The following FBLN7 variants were observed in gnomAD, a reference collection of about 807,000 sequenced individuals.
The protein encoded by FBLN7 is fibulin 7, also known as fibulin-7.
A neutral mutation model predicts 44.0 loss-of-function variants in FBLN7; 31 were observed. The ratio of observed to expected loss-of-function variants is 0.70; its 90% CI spans 0.53 to 0.95. FBLN7 has a LOEUF of 0.95. Among genes scored for constraint, FBLN7 ranks in the 40% least tolerant of loss-of-function variants. The probability of loss-of-function intolerance (pLI) is 0.00; values close to 1 mark genes in which losing one functional copy is unlikely to be tolerated. For synonymous variants in FBLN7, 262 were observed against 253.4 expected, an observed-to-expected ratio of 1.03 and a Z score of -0.32; for missense variants, 573 against 618.5, an observed-to-expected ratio of 0.93 and a Z score of 0.78.
intron 2 of FBLN7, among the ~76,000 whole-genome samples, chr2:112,160,786 GCACACGCACACACGCACGCA>G (rs1681799146): frequency 2.0e-5 from 2 of 100,662 alleles, no homozygotes; most frequent in African/African-American, 4.3e-5. Flanking sequence ...GCACACGCAC[GCACACGCACACACGCACGCA>G]CACACACGCA....
At chr2:112,184,994 G>A (rs1048893297) in intron 6 of FBLN7, among the ~76,000 whole-genome samples, 6 of 151,688 alleles carry the variant, frequency 4.0e-5, no homozygotes, top group Non-Finnish European at 7.4e-5. Context: ...AGGGAAAGAG[G>A]ACAGGATCCC....
At chr2:112,223,859 A>G in the FBLN7 span, among the ~76,000 whole-genome samples, 2 of 152,226 alleles carry the variant, frequency 1.3e-5, no homozygotes, top group Non-Finnish European at 2.9e-5. Flanking sequence ...TAAGGAATAA[A>G]GGCCAGGCAC....
chr2:112,229,378 C>G, the FBLN7 span, among the ~76,000 whole-genome samples: 113,678 of 152,126 alleles, frequency 0.75, 43,902 homozygotes, highest in African/African-American at 0.94. Context: ...ATTCATTCTA[C>G]CAGTTCCTCC....
chr2:112,240,264 T>C, the FBLN7 span: 1 of 152,232 alleles, frequency 6.6e-6, no homozygotes, highest in African/African-American at 2.4e-5. Context: ...ATTTACATAT[T>C]GTCTTAGTTG....
intron 1 of FBLN7, 78 bp from the exon 2 acceptor site, chr2:112,159,598 C>A: frequency 7.1e-7 from 1 of 1,416,376 alleles, no homozygotes; most frequent in Non-Finnish European, 9.3e-7. Context: ...GTGGCTTCGG[C>A]GATTTCGGAA....
rs867661939 is a variant in FBLN7 at position 112,182,667 on chromosome 2, G to A, written c.671-124G>A. ...TGGGGGTAGGGCATGGCGGCTGCCCGAGGCCCAGCCACTTAACTGCAGCTG... is the reference window on the plus strand; with the variant it reads ...TGGGGGTAGGGCATGGCGGCTGCCCAAGGCCCAGCCACTTAACTGCAGCTG... On this transcript the variant is annotated intron_variant, in intron 5 of 7. Coordinates refer to ENST00000331203, the MANE Select transcript of FBLN7 (RefSeq NM_153214.3). The A allele has an allele frequency of 1.2e-5, 15 of 1,239,604 alleles. No individual in the cohort carries two copies. The Middle Eastern group carries it at 1.9e-3, about 161-fold the overall frequency. 76.8% of individuals were successfully genotyped at this position (1,239,604 alleles called of 1,614,324 possible).
chr2:112,214,327 T>C, the FBLN7 span: 1 of 152,192 alleles, frequency 6.6e-6, no homozygotes, highest in Non-Finnish European at 1.5e-5. Context: ...TTGATCACTT[T>C]ATCCCGTTTG....
chr2:112,226,518 G>A, the FBLN7 span, among the ~76,000 whole-genome samples: 1 of 140,214 alleles, frequency 7.1e-6, no homozygotes, highest in African/African-American at 2.8e-5. Flanking sequence ...GAACCCGGGA[G>A]GTGGAGTTTG....
At chr2:112,158,686 G>A (rs1217053204) in intron 1 of FBLN7, among the ~76,000 whole-genome samples, 1 of 151,936 alleles carries the variant, frequency 6.6e-6, no homozygotes, top group Non-Finnish European at 1.5e-5. Context: ...TGATCCGCTC[G>A]GCTCAGCCTC....
intron 5 of FBLN7, chr2:112,182,078 C>T: frequency 1.5e-6 from 1 of 668,368 alleles, no homozygotes. Context: ...AGAGCTCGCC[C>T]CGCCTCAGAA....
chr2:112,156,653 A>G (rs1260445323), intron 1 of FBLN7, among the ~76,000 whole-genome samples: 1 of 152,210 alleles, frequency 6.6e-6, no homozygotes, highest in Non-Finnish European at 1.5e-5. Context: ...GGGAGGGACC[A>G]CAACGTGGGA....
In FBLN7 at chr2:112,185,271, C is replaced by T. The variant is rs1294325385; in HGVS notation, c.879C>T (p.Ser293=). The T allele has an allele frequency of 1.2e-6, 2 of 1,614,026 alleles. No homozygotes were observed. Among genetic ancestry groups the T allele is most frequent in the East Asian group, 2.2e-5 (1 of 44,880 alleles). ...CCACATGCATCAACACCGGTGGAAGCTTCCAGTGTGTCAGCCCTGAGTGCC... is the reference window on the plus strand; with the variant it reads ...CCACATGCATCAACACCGGTGGAAGTTTCCAGTGTGTCAGCCCTGAGTGCC... ...QGTTCINTGG[S]FQCVSPECPE... Residue 293 remains serine (S), a synonymous_variant, in exon 7 of 8, where the codon AGC becomes AGT. Coordinates refer to ENST00000331203, the MANE Select transcript of FBLN7 (RefSeq NM_153214.3).
At chr2:112,161,000 G>A (rs1186343407) in intron 2 of FBLN7, among the ~76,000 whole-genome samples, 1 of 152,178 alleles carries the variant, frequency 6.6e-6, no homozygotes, top group Non-Finnish European at 1.5e-5. Flanking sequence ...GGCTGCTGAG[G>A]ACAAGTTCCA....
the FBLN7 span, among the ~76,000 whole-genome samples, chr2:112,229,940 C>T: frequency 2.7e-5 from 4 of 147,434 alleles, no homozygotes; most frequent in South Asian, 2.1e-4. Context: ...ACTGAGATGC[C>T]GCAAAAAAAA....
At chr2:112,215,264 A>G in the FBLN7 span, 1 of 152,186 alleles carries the variant, frequency 6.6e-6, no homozygotes, top group South Asian at 2.1e-4. Flanking sequence ...CTTAAATAAG[A>G]AGTGCCTTGC....
rs1227767349 is a variant in FBLN7, at chr2:112,185,207, A to G, written c.815A>G (p.Asp272Gly). The change falls in exon 7 of 8, where the codon GAT (aspartate) becomes GGT (glycine). Residue 272 changes from aspartate (D) to glycine (G), a missense_variant. By Grantham distance (94) the Asp-to-Gly change is moderately conservative. Coordinates refer to ENST00000331203, the MANE Select transcript of FBLN7 (RefSeq NM_153214.3). The stretch of plus-strand genomic sequence containing the variant: ...TGTATGTCCTGTATCTCAGATGTGG[A>G]TGAATGTGTGGGCCTGCAGCCGGTG... Reference protein sequence around the residue: ...LADGKSCEDVDECVGLQPVCP... With the variant: ...LADGKSCEDVGECVGLQPVCP... 6.2e-7 allele frequency: 1 copy of G among 1,613,446 alleles called. No homozygotes were observed. The highest frequency in any genetic ancestry group is 1.1e-5 in the South Asian group (1 of 91,062).
Position 112,185,314 on chromosome 2 carries a change from G to A in FBLN7, c.922G>A (p.Val308Met). 1 of 1,613,754 alleles carries A rather than the reference G, an allele frequency of 6.2e-7. No homozygotes were observed. Among genetic ancestry groups the A allele is most frequent in the East Asian group, 2.2e-5 (1 of 44,882 alleles). The change falls in exon 7 of 8, where the codon GTG becomes ATG. Residue 308 changes from valine to methionine, a missense_variant. By Grantham distance (21) the Val-to-Met change is conservative. Transcript: ENST00000331203. The stretch of plus-strand genomic sequence containing the variant: ...TGAGTGCCCCGAGGGCAGCGGCAAT[G>A]TGAGCTACGTGAAGACGTCTCCATT... ...SPECPEGSGN[V>M]SYVKTSPFQC...
At position 112,187,637 on chromosome 2, in the gene FBLN7, G is replaced by C. The variant is rs1340282777; in HGVS notation, c.*131G>C. On this transcript the variant is annotated 3_prime_UTR_variant, in exon 8 of 8. Coordinates refer to ENST00000331203, the MANE Select transcript of FBLN7 (RefSeq NM_153214.3). This position sits in a 1 kb window ranked among gnomAD's most constrained non-coding sequence, Gnocchi z 5.1. ...CTCACCAGTGCACCCAGGCTTCTAG[G>C]GCAGCGTTGCACGGCGCCCCATGGA... is the stretch of plus-strand genomic sequence containing the variant. 7.7e-7 allele frequency: 1 copy of C among 1,295,276 alleles called. No individual in the cohort carries two copies. Among genetic ancestry groups the C allele is most frequent in the Non-Finnish European group, 1.1e-6 (1 of 939,152 alleles). 80.2% of individuals were successfully genotyped at this position (1,295,276 alleles called of 1,614,324 possible).
chr2:112,199,460 AT>A, the FBLN7 span, among the ~76,000 whole-genome samples: 1 of 152,182 alleles, frequency 6.6e-6, no homozygotes, highest in East Asian at 1.9e-4. Context: ...CAGAACATGA[AT>A]GTCACAAATC....
Sources: gnomAD v4.1 joint callset for allele counts (sites outside exome capture counted in the v4.1 genomes callset) on GRCh38, gnomAD v4.1.1 for gene constraint, Gnocchi (gnomAD v3.1) non-coding constraint, MANE v1.5 for transcripts, NCBI Gene and HGNC (gene_info 2026-07-23, HGNC 2026-07-21) for gene names.